CYYR1: variants seen among roughly 807,000 people sequenced by gnomAD.
The protein encoded by CYYR1 is cysteine and tyrosine rich 1.
Under a neutral mutation model 15.2 loss-of-function variants are expected in CYYR1, and 14 were observed. The ratio of observed to expected loss-of-function variants is 0.92; its 90% CI spans 0.61 to 1.44. The LOEUF is 1.44. Ranked by LOEUF, CYYR1 falls within the 40% of genes most tolerant of loss-of-function variation. CYYR1 has a pLI of 0.00. For synonymous variants in CYYR1, 80 were observed against 77.4 expected, an observed-to-expected ratio of 1.03 and a Z score of -0.18; for missense variants, 228 against 209.5, an observed-to-expected ratio of 1.09 and a Z score of -0.54.
At chr21:26,475,788 C>A (rs1037629586) in intron 3 of CYYR1, among the ~76,000 whole-genome samples, 14 of 152,112 alleles carry the variant, frequency 9.2e-5, no homozygotes, top group African/African-American at 3.4e-4. Flanking sequence ...TGTTTGAATT[C>A]TCTGATTTGT....
chr21:26,520,766 G>C (rs1044540689), intron 2 of CYYR1, among the ~76,000 whole-genome samples: 1 of 151,880 alleles, frequency 6.6e-6, no homozygotes, highest in African/African-American at 2.4e-5. Flanking sequence ...TTTAATAATC[G>C]CCATTCTGAC....
intron 2 of CYYR1, among the ~76,000 whole-genome samples, chr21:26,541,313 A>T (rs1978536185): frequency 2.0e-5 from 3 of 152,186 alleles, no homozygotes. Flanking sequence ...TGAAAATATC[A>T]CAATTCGATA....
intron 2 of CYYR1, among the ~76,000 whole-genome samples, chr21:26,542,917 G>C (rs1978672893): frequency 6.6e-6 from 1 of 152,130 alleles, no homozygotes; most frequent in Non-Finnish European, 1.5e-5. Context: ...ATTTAACAAA[G>C]GCAAGGACTG....
chr21:26,515,672 G>A (rs964780485), intron 2 of CYYR1, among the ~76,000 whole-genome samples: 3 of 152,054 alleles, frequency 2.0e-5, no homozygotes, highest in African/African-American at 7.2e-5. Flanking sequence ...ATGGAGCATT[G>A]ATATGGTTCT....
At chr21:26,556,742 A>G (rs1485412933) in intron 2 of CYYR1, among the ~76,000 whole-genome samples, 1 of 152,126 alleles carries the variant, frequency 6.6e-6, no homozygotes, top group Non-Finnish European at 1.5e-5. Flanking sequence ...ATCCACGCCC[A>G]TGATCCATTC....
intron 3 of CYYR1, chr21:26,478,031 A>G (rs563274700): frequency 5.3e-4 from 816 of 1,545,374 alleles, no homozygotes; most frequent in Non-Finnish European, 6.9e-4. Context: ...TGTGTTCATC[A>G]TTCATTCAGC....
intron 2 of CYYR1, among the ~76,000 whole-genome samples, chr21:26,555,548 G>GT (rs1006047282): frequency 2.6e-5 from 4 of 152,096 alleles, no homozygotes; most frequent in Non-Finnish European, 4.4e-5. Flanking sequence ...GGCATAAATT[G>GT]TTTTTTATTA....
intron 2 of CYYR1, among the ~76,000 whole-genome samples, chr21:26,530,371 G>C (rs2065916248): frequency 6.6e-6 from 1 of 151,806 alleles, no homozygotes; most frequent in African/African-American, 2.4e-5. Context: ...TGCAAATGTT[G>C]CCTCCAGTTA....
intron 2 of CYYR1, among the ~76,000 whole-genome samples, chr21:26,499,914 A>T (rs570646437): frequency 1.8e-4 from 27 of 151,350 alleles, no homozygotes; most frequent in African/African-American, 6.6e-4. Flanking sequence ...GGGGAAATTT[A>T]TACCCTACCC....
intron 2 of CYYR1, among the ~76,000 whole-genome samples, chr21:26,537,474 C>A (rs1978315027): frequency 6.6e-6 from 1 of 152,224 alleles, no homozygotes; most frequent in Admixed American, 6.5e-5. Flanking sequence ...TTTATGTCCA[C>A]CTTGGCTAGG....
At chr21:26,506,955 T>TA (rs2065574906) in intron 2 of CYYR1, among the ~76,000 whole-genome samples, 1 of 152,146 alleles carries the variant, frequency 6.6e-6, no homozygotes, top group African/African-American at 2.4e-5. Context: ...CAGCAGTACT[T>TA]ATAAGCTTTG....
intron 2 of CYYR1, among the ~76,000 whole-genome samples, chr21:26,532,837 C>T (rs1364389969): frequency 6.6e-6 from 1 of 152,172 alleles, no homozygotes; most frequent in Non-Finnish European, 1.5e-5. Flanking sequence ...AAGATAGTGA[C>T]ACCTTTGCTT....
intron 2 of CYYR1, among the ~76,000 whole-genome samples, chr21:26,502,479 A>G (rs2065494623): frequency 6.6e-6 from 1 of 152,194 alleles, no homozygotes; most frequent in Non-Finnish European, 1.5e-5. Context: ...TAAGTCACTT[A>G]TGAAGTTAAA....
At chr21:26,542,612 T>C (rs2039775627) in intron 2 of CYYR1, among the ~76,000 whole-genome samples, 1 of 152,026 alleles carries the variant, frequency 6.6e-6, no homozygotes, top group Admixed American at 6.6e-5. Context: ...TCCAACAACT[T>C]CTAGTCAATA....
rs1164878905 is a variant in CYYR1, at chr21:26,480,347, AC to A, written c.258del (p.Met86IlefsTer3). The A allele has an allele frequency of 6.2e-7, 1 of 1,613,516 alleles. No homozygotes were observed. The highest frequency in any genetic ancestry group is 8.5e-7 in the Non-Finnish European group (1 of 1,179,694). ...CGGGTCGCCCTGTGGTTCTTCATGC[AC>A]ATGCAGATGCATATGGCAATCCCAG... The part of the protein sequence containing the change: ...VIAGIAICIC[M>X]CMKNHRATRV... On this transcript the variant is annotated frameshift_variant, in exon 3 of 4. Transcript: ENST00000652641. LOFTEE classifies it high-confidence loss of function.
At chr21:26,482,497 G>T in intron 2 of CYYR1, 1 of 985,194 alleles carries the variant, frequency 1.0e-6, no homozygotes, top group Non-Finnish European at 1.2e-6. Context: ...AGCCCTGTTT[G>T]CTGGTCCTCA....
intron 2 of CYYR1, among the ~76,000 whole-genome samples, chr21:26,483,897 TCTC>T (rs1178136715): frequency 6.6e-6 from 1 of 152,026 alleles, no homozygotes; most frequent in Non-Finnish European, 1.5e-5. Context: ...CTCATTTGAC[TCTC>T]CTCCCAAATT....
At chr21:26,478,276 A>G in intron 3 of CYYR1, 1 of 1,115,882 alleles carries the variant, frequency 9.0e-7, no homozygotes. Context: ...GACACATTAC[A>G]ATCTTAAATA....
At chr21:26,558,276 T>C (rs1979942293) in intron 2 of CYYR1, among the ~76,000 whole-genome samples, 1 of 152,176 alleles carries the variant, frequency 6.6e-6, no homozygotes, top group Non-Finnish European at 1.5e-5. Context: ...ATAAGAATCA[T>C]AGATAATATA....
Sources: allele counts gnomAD v4.1 joint callset (sites outside exome capture counted in the v4.1 genomes callset), GRCh38; gene constraint gnomAD v4.1.1; transcripts MANE v1.5; gene names NCBI Gene and HGNC (gene_info 2026-07-23, HGNC 2026-07-21).